Variants in TVP23C observed in about 807,000 individuals in gnomAD.
TVP23C encodes trans-golgi network vesicle protein 23 homolog C, also known as Golgi apparatus membrane protein TVP23 homolog C.
Under a neutral mutation model 28.7 loss-of-function variants are expected in TVP23C, and 19 were observed. That is an observed-to-expected ratio of 0.66 (90% confidence interval 0.46 to 0.97). TVP23C has a LOEUF of 0.97. Ranked by LOEUF, TVP23C falls within the 50% of genes least tolerant of loss-of-function variation. The pLI is 0.00. For missense variants in TVP23C, 186 were observed against 241.3 expected (o/e 0.77, Z 1.52); for synonymous variants, 68 against 81.7 (o/e 0.83, Z 0.90).
chr17:15,549,039 A>G (rs1983773145), intron 3 of TVP23C, among the ~76,000 whole-genome samples: 1 of 152,220 alleles, frequency 6.6e-6, no homozygotes, highest in Non-Finnish European at 1.5e-5. Flanking sequence ...TAACTCAATC[A>G]GAAATTTACT....
chr17:15,541,668 C>G (rs1212042966), intron 5 of TVP23C, among the ~76,000 whole-genome samples: 1 of 152,184 alleles, frequency 6.6e-6, no homozygotes, highest in Non-Finnish European at 1.5e-5. Context: ...GATTAATGAA[C>G]AGGTTCACAT....
downstream of TVP23C, among the ~76,000 whole-genome samples, chr17:15,536,505 A>AT (rs896690733): frequency 5.3e-5 from 8 of 152,294 alleles, no homozygotes; most frequent in Middle Eastern, 3.4e-3. Context: ...TCCCTAGCTA[A>AT]TTAGGTGGGA....
At chr17:15,529,204 CA>C (rs1982850460) in intron 5 of TVP23C, among the ~76,000 whole-genome samples, 1 of 152,114 alleles carries the variant, frequency 6.6e-6, no homozygotes, top group Admixed American at 6.5e-5. Context: ...GTAATCCCAG[CA>C]CTTTGGGAAG....
chr17:15,502,774 C>T, exon 6 of TVP23C: 2 of 1,441,522 alleles, frequency 1.4e-6, no homozygotes, highest in Non-Finnish European at 1.8e-6. Flanking sequence ...TTCTCCGTCA[C>T]TCTCTTCCCT....
At chr17:15,552,606 C>G (rs903960411) in intron 3 of TVP23C, among the ~76,000 whole-genome samples, 21 of 151,680 alleles carry the variant, frequency 1.4e-4, no homozygotes, top group Non-Finnish European at 2.9e-4. Flanking sequence ...ATCACCTGAA[C>G]CCAGGAGGCA....
chr17:15,518,414 C>T, intron 5 of TVP23C, among the ~76,000 whole-genome samples: 1 of 152,092 alleles, frequency 6.6e-6, no homozygotes, highest in East Asian at 1.9e-4. Flanking sequence ...ATTCAGGGGC[C>T]CAAAATGTCC....
Position 15,539,801 on chromosome 17 carries a change from T to C in TVP23C, c.*611A>G. The C allele has an allele frequency of 2.0e-6, 2 of 983,144 alleles. No individual in the cohort carries two copies. The highest frequency in any genetic ancestry group is 9.4e-5 in the South Asian group (2 of 21,194). 60.9% of individuals were successfully genotyped at this position (983,144 alleles called of 1,614,324 possible). A position where few individuals can be genotyped will look rare whatever the true frequency, so the allele number is the denominator to read the frequency against. On this transcript the variant is annotated 3_prime_UTR_variant, in exon 6 of 6. Coordinates refer to ENST00000518321, the MANE Select transcript of TVP23C (RefSeq NM_001135036.2). ...GATTCAACTGTTCTCCCTAAAACCA[T>C]ACAACATACAGGCTGGGCACGGTGG...
intron 3 of TVP23C, among the ~76,000 whole-genome samples, chr17:15,552,511 G>A (rs1272814760): frequency 2.6e-5 from 4 of 151,972 alleles, no homozygotes; most frequent in Admixed American, 6.6e-5. Flanking sequence ...GAGAAACCCC[G>A]TCTGTACTAA....
intron 5 of TVP23C, among the ~76,000 whole-genome samples, chr17:15,507,847 G>A (rs1981831750): frequency 1.3e-5 from 2 of 151,862 alleles, no homozygotes; most frequent in Admixed American, 1.3e-4. Flanking sequence ...TCAAAAAAAA[G>A]AAAAGAAAAA....
intron 1 of TVP23C, chr17:15,563,173 C>T (rs1423013214): frequency 3.9e-6 from 2 of 516,328 alleles, no homozygotes; most frequent in Non-Finnish European, 6.4e-6. Flanking sequence ...GAAAGAGAGA[C>T]CCCCACTCGC....
In TVP23C at chr17:15,560,595, G is replaced by A. The variant is rs1347180601; in HGVS notation, c.12+2842C>T. Among the ~76,000 whole-genome samples, 6 of 148,870 alleles carry A rather than the reference G, an allele frequency of 4.0e-5. No homozygotes were observed. The South Asian group carries it at 8.7e-4, about 22-fold the overall frequency. ...TGTTTGTTTGTTTTGAGACGGAGTC[G>A]CCCAGGCTGGAGTGCAGTGGCACGA... is the stretch of plus-strand genomic sequence containing the variant. On this transcript the variant is annotated intron_variant, in intron 1 of 5. Coordinates refer to ENST00000518321, the MANE Select transcript of TVP23C (RefSeq NM_001135036.2).
chr17:15,527,971 T>C (rs892243848), intron 5 of TVP23C, among the ~76,000 whole-genome samples: 1 of 152,242 alleles, frequency 6.6e-6, no homozygotes, highest in African/African-American at 2.4e-5. Flanking sequence ...TCAGTAAGGA[T>C]TGCTTTTTCA....
chr17:15,520,997 T>C (rs941706089), intron 5 of TVP23C, among the ~76,000 whole-genome samples: 1 of 151,216 alleles, frequency 6.6e-6, no homozygotes, highest in Non-Finnish European at 1.5e-5. Flanking sequence ...TACCCAAAAA[T>C]AAAGCTAACC....
At chr17:15,502,742 T>A in exon 6 of TVP23C, 3 of 1,002,288 alleles carry the variant, frequency 3.0e-6, no homozygotes, top group African/African-American at 1.7e-5. Context: ...TTCTCTCTCC[T>A]CTCTCCCGTC....
At chr17:15,507,147 A>G (rs1981790342) in intron 5 of TVP23C, 2 of 808,446 alleles carry the variant, frequency 2.5e-6, no homozygotes, top group African/African-American at 1.7e-5. Flanking sequence ...AGGTCCTGAC[A>G]TCTTGTCCAT....
rs141741146 is a variant in TVP23C, at chr17:15,515,129, G to A, written c.463-11897C>T. Among the ~76,000 whole-genome samples, 689 of 152,148 alleles carry A rather than the reference G, an allele frequency of 4.5e-3. 10 individuals carry two copies. Among genetic ancestry groups the A allele is most frequent in the African/African-American group, 0.015 (638 of 41,526 alleles). ...CCCACAGTGGGCATGGCCCTGAGTC[G>A]ATGACTGACAGATGTGAGAGCAAGA... On this transcript the variant is annotated intron_variant, in intron 5 of 5. Transcript: ENST00000225576.
At position 15,510,384 on chromosome 17, in the gene TVP23C, A is replaced by G. The variant is rs1321395013; in HGVS notation, c.463-7152T>C. On this transcript the variant is annotated intron_variant, in intron 5 of 5. Coordinates refer to the TVP23C transcript ENST00000225576. ...TACAAGCGGCCAATAAACATGAGAA[A>G]ATGTTCACCATCACTAATTATCAGA... Among the ~76,000 whole-genome samples, 7 of 152,196 alleles carry G rather than the reference A, an allele frequency of 4.6e-5. No homozygotes were observed. In the East Asian group the frequency reaches 1.3e-3, roughly 29 times the overall value.
chr17:15,529,435 G>C (rs1982862999), intron 5 of TVP23C, among the ~76,000 whole-genome samples: 2 of 152,154 alleles, frequency 1.3e-5, no homozygotes, highest in South Asian at 2.1e-4. Context: ...CTGGGTGATA[G>C]AGTGAGACTC....
chr17:15,553,965 G>A (rs1428829326), intron 2 of TVP23C, 136 bp from the exon 3 acceptor site: 1 of 1,479,850 alleles, frequency 6.8e-7, no homozygotes, highest in African/African-American at 1.4e-5. Flanking sequence ...TTAGTAGGAG[G>A]AAGCAAACCT....
Sources: gnomAD v4.1 joint callset for allele counts (sites outside exome capture counted in the v4.1 genomes callset) on GRCh38, gnomAD v4.1.1 for gene constraint, MANE v1.5 for transcripts, NCBI Gene and HGNC (gene_info 2026-07-23, HGNC 2026-07-21) for gene names.